Variants in YIF1B observed in about 807,000 individuals in gnomAD.
YIF1B encodes Yip1 interacting factor homolog B, membrane trafficking protein, also known as protein YIF1B.
A neutral mutation model predicts 34.6 loss-of-function variants in YIF1B; 24 were observed. The ratio of observed to expected loss-of-function variants is 0.69; its 90% CI spans 0.50 to 0.98. The LOEUF (loss-of-function observed/expected upper bound fraction) is 0.98, where lower values mean the gene tolerates loss of function less well. Ranked by LOEUF, YIF1B falls within the 50% of genes least tolerant of loss-of-function variation. YIF1B has a pLI of 0.00. For synonymous variants in YIF1B, 186 were observed against 184.8 expected (o/e 1.01, Z -0.05); for missense variants, 368 against 429.4 (o/e 0.86, Z 1.26).
rs1445413452 is a variant in YIF1B, at chr19:38,307,726, T to C, written c.566A>G (p.Gln189Arg). 6.2e-7 allele frequency: 1 copy of C among 1,613,082 alleles called. No homozygotes were observed. The highest frequency in any genetic ancestry group is 1.1e-5 in the South Asian group (1 of 91,072). The change falls in exon 6 of 8, where the codon CAA (glutamine) becomes CGA (arginine). Residue 189 changes from glutamine to arginine, a missense_variant. Gln to Arg is a conservative substitution (Grantham distance 43). This residue lies in a region of YIF1B where 208 missense variants were observed against 247.8 expected (regional missense o/e 0.84). Coordinates refer to ENST00000339413, the MANE Select transcript of YIF1B (RefSeq NM_001039672.3). ...CAGCCAGGCCAGGGCTGAGCTCGCT[T>C]GCAGCCCCAGGAGGTCTGGGGAGAA... ...DRFSPDLLGL[Q>R]ASSALAWLTL...
At chr19:38,307,836 G>A in intron 5 of YIF1B, 84 bp from the exon 6 acceptor site, 4 of 1,544,592 alleles carry the variant, frequency 2.6e-6, no homozygotes, top group Non-Finnish European at 3.5e-6. Flanking sequence ...TCTGTGTTGG[G>A]TAGGGCTGGA....
At chr19:38,316,824 CTA>C (rs1969567892), upstream of YIF1B, among the ~76,000 whole-genome samples, 1 of 152,156 alleles carries the variant, frequency 6.6e-6, no homozygotes, top group East Asian at 1.9e-4. Flanking sequence ...CCATGCCCAG[CTA>C]ATTTTTAAAT....
rs142047616 is a variant in YIF1B, at chr19:38,309,643, G to A, written c.59C>T (p.Pro20Leu). The change falls in exon 2 of 8, where the codon CCC (proline) becomes CTC (leucine). Residue 20 changes from proline to leucine, a missense_variant and splice_region_variant. Transcript: ENST00000339413. ...GGACACAGGGATCCTCCGCTTCGAG[G>A]CTGCAAGGGAAGAGAGTGAGAAGGA... ...AAGTPRLRKWPSKRRIPVSQP... is the reference protein window; with the variant it reads ...AAGTPRLRKWLSKRRIPVSQP... The A allele has an allele frequency of 1.7e-4, 273 of 1,596,830 alleles. 1 individual carries two copies. In the South Asian group the frequency reaches 2.3e-3, roughly 13 times the overall value.
At chr19:38,309,101 C>T (rs1185004530) in intron 3 of YIF1B, 44 bp from the exon 4 acceptor site, 1 of 1,557,442 alleles carries the variant, frequency 6.4e-7, no homozygotes, top group African/African-American at 1.4e-5. Context: ...AGCCAGGCCC[C>T]TCCCACCCTG....
chr19:38,318,550 G>A (rs546723545), upstream of YIF1B, among the ~76,000 whole-genome samples: 1 of 152,250 alleles, frequency 6.6e-6, no homozygotes, highest in Admixed American at 6.5e-5. Context: ...TCTGTTTAGT[G>A]GGAATTATAT....
At position 38,304,695 on chromosome 19, in the gene YIF1B, C is replaced by G. The variant is rs777336648; in HGVS notation, c.*657G>C. On this transcript the variant is annotated 3_prime_UTR_variant, in exon 8 of 8. Coordinates refer to ENST00000339413, the MANE Select transcript of YIF1B (RefSeq NM_001039672.3). ...CGGACACGGATGTGAAGGTAAGGGG[C>G]TCTCGCCAGCGTCCCCAAGCACGTG... The G allele has an allele frequency of 1.9e-6, 3 of 1,613,672 alleles. No homozygotes were observed. In the Admixed American group the frequency reaches 5.0e-5, roughly 27 times the overall value.
At chr19:38,315,834 C>T in intron 1 of YIF1B, 26 bp downstream of exon 1, 2 of 1,509,742 alleles carry the variant, frequency 1.3e-6, no homozygotes, top group African/African-American at 1.4e-5. Flanking sequence ...CCCCCGCCCG[C>T]CCGATCTCCT....
chr19:38,315,826 C>T, intron 1 of YIF1B, 34 bp downstream of exon 1: 2 of 1,511,260 alleles, frequency 1.3e-6, no homozygotes, highest in Non-Finnish European at 1.8e-6. Flanking sequence ...CCGCCACGCC[C>T]CCGCCCGCCC....
At chr19:38,319,890 TC>T, upstream of YIF1B, 2 of 1,353,612 alleles carry the variant, frequency 1.5e-6, no homozygotes, top group Non-Finnish European at 1.9e-6. Flanking sequence ...TGCCAGACGG[TC>T]CGGAGGCGGG....
upstream of YIF1B, among the ~76,000 whole-genome samples, chr19:38,317,572 T>TC (rs397968590): frequency 1.4e-4 from 22 of 152,176 alleles, no homozygotes; most frequent in African/African-American, 5.3e-4. Context: ...TTTTTTTTTT[T>TC]CTTATTGCTT....
rs2146303671 is a variant in YIF1B, at chr19:38,309,251, G to A, written c.375C>T (p.Gly125=). The change falls in exon 3 of 8, where the codon GGC becomes GGT. Residue 125 remains glycine, a synonymous_variant. Coordinates refer to ENST00000339413, the MANE Select transcript of YIF1B (RefSeq NM_001039672.3). ...GGTGTAGGTAGGGGAAGAACAGCAG[G>A]CCCAGCTTTCTGCCCACATACATGG... The part of the protein sequence containing the change: ...VDTMYVGRKL[G]LLFFPYLHQD... 20 of 1,614,036 alleles carry A rather than the reference G, an allele frequency of 1.2e-5. No homozygotes were observed. Among genetic ancestry groups the A allele is most frequent in the Non-Finnish European group, 1.7e-5 (20 of 1,179,950 alleles).
At chr19:38,315,579 T>C in intron 1 of YIF1B, 1 of 1,479,960 alleles carries the variant, frequency 6.8e-7, no homozygotes, top group Non-Finnish European at 8.9e-7. Flanking sequence ...CACGGAAGGG[T>C]GGGGAGCAGG....
upstream of YIF1B, chr19:38,320,007 G>T (rs1208358418): frequency 6.7e-7 from 1 of 1,489,954 alleles, no homozygotes; most frequent in Non-Finnish European, 8.9e-7. Flanking sequence ...CGTACCTGGT[G>T]CTGGGCGCGC....
intron 7 of YIF1B, chr19:38,307,160 G>A (rs530371065): frequency 1.3e-4 from 70 of 530,952 alleles, no homozygotes; most frequent in Non-Finnish European, 2.2e-4. Flanking sequence ...TAAGGAGAGT[G>A]GAATGAGAGT....
chr19:38,318,320 A>G (rs944593540), upstream of YIF1B, among the ~76,000 whole-genome samples: 2 of 149,792 alleles, frequency 1.3e-5, no homozygotes, highest in Non-Finnish European at 2.9e-5. Flanking sequence ...GGTCTACTCT[A>G]TCACCCATAC....
chr19:38,305,555 T>A, intron 7 of YIF1B, 48 bp from the exon 8 acceptor site: 1 of 1,560,216 alleles, frequency 6.4e-7, no homozygotes. Flanking sequence ...CCTTGAGCCC[T>A]CTGGGCCAGA....
At chr19:38,309,979 T>TCCATCCACCCATCCATCCATCCATCCAC (rs146340126) in intron 1 of YIF1B, 1 of 406,208 alleles carries the variant, frequency 2.5e-6, no homozygotes, top group African/African-American at 2.3e-5. Context: ...CATCCATTCA[T>TCCATCCACCCATCCATCCATCCATCCAC]CCATCCATCC....
chr19:38,316,061 C>T (rs559998056), upstream of YIF1B: 117 of 1,235,406 alleles, frequency 9.5e-5, 3 homozygotes, highest in African/African-American at 9.4e-4. Flanking sequence ...CCAGCCCCCC[C>T]CTTCACGGAG....
intron 7 of YIF1B, 182 bp downstream of exon 7, chr19:38,307,246 C>A (rs1030528890): frequency 3.1e-6 from 2 of 640,338 alleles, no homozygotes; most frequent in Admixed American, 5.5e-5. Context: ...TCTTCCAGGG[C>A]TCAGGATACC....
Sources: allele counts gnomAD v4.1 joint callset (sites outside exome capture counted in the v4.1 genomes callset), GRCh38; gene constraint gnomAD v4.1.1; regional missense constraint gnomAD v4.1.1; transcripts MANE v1.5; gene names NCBI Gene and HGNC (gene_info 2026-07-23, HGNC 2026-07-21).